The following EPB42 variants were observed in gnomAD, a reference collection of about 807,000 sequenced individuals.
EPB42 encodes the protein protein 4.2.
In EPB42, 49 loss-of-function variants were observed where a neutral mutation model predicts 76.9. The observed-to-expected ratio is 0.64, with a 90% CI of 0.51 to 0.81. EPB42 has a LOEUF of 0.81. EPB42 is among the 30% of genes least tolerant of loss of function. EPB42 has a pLI of 0.00. For missense variants in EPB42, 731 were observed against 867.6 expected (o/e 0.84, Z 1.98); for synonymous variants, 310 against 338.4 (o/e 0.92, Z 0.92).
chr15:43,205,422 C>T (rs762101719), intron 10 of EPB42, among the ~76,000 whole-genome samples: 11 of 152,036 alleles, frequency 7.2e-5, no homozygotes, highest in African/African-American at 1.9e-4. Context: ...CTTTTTGAGA[C>T]GGAGTGTCAC....
At position 43,211,382 on chromosome 15, in the gene EPB42, C is replaced by G. The variant is rs753896851; in HGVS notation, c.549+34G>C. 5 of 1,327,554 alleles carry G rather than the reference C, an allele frequency of 3.8e-6. No individual in the cohort carries two copies. The African/African-American group carries it at 7.2e-5, about 19-fold the overall frequency. 82.2% of individuals were successfully genotyped at this position (1,327,554 alleles called of 1,614,324 possible). ...AACATGCAAGGTTATGGGACAGTCA[C>G]TCTACACACTCCTCCCCTAGAGGGC... On this transcript the variant is annotated intron_variant, in intron 4 of 12. Coordinates refer to ENST00000441366, the MANE Select transcript of EPB42 (RefSeq NM_001114134.2).
intron 3 of EPB42, among the ~76,000 whole-genome samples, chr15:43,214,067 A>G (rs892319336): frequency 6.6e-6 from 1 of 152,220 alleles, no homozygotes; most frequent in Admixed American, 6.5e-5. Context: ...AACTCTTGAG[A>G]GGAAAAGGGC....
At chr15:43,204,100 C>T (rs762454255) in intron 10 of EPB42, among the ~76,000 whole-genome samples, 11 of 152,186 alleles carry the variant, frequency 7.2e-5, no homozygotes, top group Non-Finnish European at 1.3e-4. Flanking sequence ...TGGCTGACTA[C>T]TCCCCAGCCT....
chr15:43,215,511 A>G (rs574384876), intron 2 of EPB42, among the ~76,000 whole-genome samples, 183 bp from the exon 3 acceptor site: 1 of 152,362 alleles, frequency 6.6e-6, no homozygotes, highest in South Asian at 2.1e-4. Flanking sequence ...TTTGGCACCC[A>G]TGGACCTTCA....
chr15:43,210,792 G>T (rs938162124), intron 4 of EPB42, among the ~76,000 whole-genome samples: 1 of 152,176 alleles, frequency 6.6e-6, no homozygotes, highest in African/African-American at 2.4e-5. Flanking sequence ...GCCCTGAACC[G>T]GGAGTGGAGG....
At position 43,204,449 on chromosome 15, in the gene EPB42, C is replaced by T. The variant is rs573962879; in HGVS notation, c.1619-1174G>A. 6.7e-4 allele frequency among the ~76,000 whole-genome samples: 102 copies of T among 152,288 alleles called. 6 individuals carry two copies. Among genetic ancestry groups the T allele is most frequent in the East Asian group, 1.9e-4 (1 of 5,188 alleles). ...TGGCCCCCCTGTGCTGGGATTTCCA[C>T]GTCTGAGCTCCAGCCCAGAACTTTA... On this transcript the variant is annotated intron_variant, in intron 10 of 12. Coordinates refer to ENST00000441366, the MANE Select transcript of EPB42 (RefSeq NM_001114134.2).
intron 3 of EPB42, among the ~76,000 whole-genome samples, chr15:43,212,803 C>T (rs752108948): frequency 2.0e-5 from 3 of 152,162 alleles, no homozygotes; most frequent in Non-Finnish European, 4.4e-5. Flanking sequence ...AAGCTAGAAG[C>T]AGGAGGGCAA....
chr15:43,224,877 G>T (rs981168674), upstream of EPB42, among the ~76,000 whole-genome samples: 7 of 152,250 alleles, frequency 4.6e-5, no homozygotes, highest in African/African-American at 1.7e-4. Flanking sequence ...CTGGGCTCAA[G>T]TGATCCTCCC....
Position 43,208,754 on chromosome 15 carries a change from G to C in EPB42, c.854C>G (p.Pro285Arg). 2 of 1,614,170 alleles carry C rather than the reference G, an allele frequency of 1.2e-6. No homozygotes were observed. The highest frequency in any genetic ancestry group is 1.7e-6 in the Non-Finnish European group (2 of 1,180,038). The change falls in exon 7 of 13, where the codon CCT becomes CGT. Residue 285 changes from proline to arginine, a missense_variant. Physicochemically the swap from Pro to Arg is moderately radical, Grantham distance 103. Transcript: ENST00000441366. ...GGCAAACGTGGTCACCACGCGGGCA[G>C]GGATTCCCAGGCATCGCAGCACTGT... ...ACTVLRCLGI[P>R]ARVVTTFASA...
At chr15:43,213,400 A>C (rs1243166168) in intron 3 of EPB42, among the ~76,000 whole-genome samples, 2 of 152,030 alleles carry the variant, frequency 1.3e-5, no homozygotes, top group Non-Finnish European at 1.5e-5. Context: ...CTTCTCAGTC[A>C]CCTCCCAGAT....
chr15:43,217,374 G>A (rs114679935), intron 1 of EPB42, among the ~76,000 whole-genome samples: 1,525 of 152,156 alleles, frequency 0.01, 30 homozygotes, highest in African/African-American at 0.035. Context: ...TGTATAGCCC[G>A]CAGAACCATG....
intron 1 of EPB42, among the ~76,000 whole-genome samples, chr15:43,219,398 G>A (rs1348189819): frequency 2.0e-5 from 3 of 152,058 alleles, no homozygotes; most frequent in Non-Finnish European, 2.9e-5. Flanking sequence ...TTAAGAACTG[G>A]TTCACAAGGT....
rs2042051593 is a variant in EPB42, at chr15:43,197,284, G to C, written c.*18C>G. Reference sequence around the variant, plus strand: ...GTAGAACAAGGGTTGGCAGGAGAGTGGTGATAGAGCTGGAAGTTTAAGCTG... The same window carrying C: ...GTAGAACAAGGGTTGGCAGGAGAGTCGTGATAGAGCTGGAAGTTTAAGCTG... On this transcript the variant is annotated 3_prime_UTR_variant, in exon 13 of 13. Transcript: ENST00000441366. The C allele has an allele frequency of 6.2e-7, 1 of 1,614,152 alleles. No homozygotes were observed. Among genetic ancestry groups the C allele is most frequent in the Non-Finnish European group, 8.5e-7 (1 of 1,180,000 alleles).
chr15:43,203,401 A>C (rs1186571440), intron 10 of EPB42, 126 bp from the exon 11 acceptor site: 2 of 1,237,384 alleles, frequency 1.6e-6, no homozygotes, highest in East Asian at 2.5e-5. Context: ...CATTTTCCCC[A>C]GCAATTGTAC....
chr15:43,198,018 G>A (rs1369399071), intron 12 of EPB42, among the ~76,000 whole-genome samples: 1 of 152,156 alleles, frequency 6.6e-6, no homozygotes, highest in Non-Finnish European at 1.5e-5. Flanking sequence ...CTCCTGCCAT[G>A]ATTCTGAGGC....
At chr15:43,217,864 G>C (rs769061072) in intron 1 of EPB42, among the ~76,000 whole-genome samples, 123 of 152,196 alleles carry the variant, frequency 8.1e-4, no homozygotes, top group Non-Finnish European at 1.3e-3. Context: ...AAGAGTAGAG[G>C]GGAAGGATGT....
chr15:43,221,468 C>T (rs547230411), upstream of EPB42, among the ~76,000 whole-genome samples: 188 of 152,314 alleles, frequency 1.2e-3, no homozygotes, highest in African/African-American at 4.4e-3. Context: ...CTCTTCCAAG[C>T]CTACCTGGTC....
chr15:43,215,635 A>G (rs2042367021), intron 2 of EPB42, among the ~76,000 whole-genome samples: 1 of 152,224 alleles, frequency 6.6e-6, no homozygotes, highest in Non-Finnish European at 1.5e-5. Context: ...GTATGGATTC[A>G]ATAAACAGTA....
chr15:43,219,472 G>A (rs1223002822), intron 1 of EPB42, among the ~76,000 whole-genome samples: 1 of 152,168 alleles, frequency 6.6e-6, no homozygotes, highest in Non-Finnish European at 1.5e-5. Context: ...ACTGCAGCAT[G>A]TCATGAGTTC....
Sources: allele counts gnomAD v4.1 joint callset (sites outside exome capture counted in the v4.1 genomes callset), GRCh38; gene constraint gnomAD v4.1.1; transcripts MANE v1.5; gene names NCBI Gene and HGNC (gene_info 2026-07-23, HGNC 2026-07-21).